CFAP61: variants seen among roughly 807,000 people sequenced by gnomAD.
CFAP61 encodes the protein cilia and flagella associated protein 61.
Under a neutral mutation model 135.6 loss-of-function variants are expected in CFAP61, and 107 were observed. The observed-to-expected ratio is 0.79, with a 90% CI of 0.67 to 0.93. The LOEUF (loss-of-function observed/expected upper bound fraction) is 0.93, where lower values mean the gene tolerates loss of function less well. Among genes scored for constraint, CFAP61 ranks in the 40% least tolerant of loss-of-function variants. The probability of loss-of-function intolerance (pLI) is 0.00; values close to 1 mark genes in which losing one functional copy is unlikely to be tolerated. For missense variants in CFAP61, 1,507 were observed against 1,556.2 expected (o/e 0.97, Z 0.53); for synonymous variants, 575 against 578.5 (o/e 0.99, Z 0.09).
At chr20:20,181,210 TATAC>T (rs1019902777) in intron 13 of CFAP61, among the ~76,000 whole-genome samples, 1 of 134,890 alleles carries the variant, frequency 7.4e-6, no homozygotes, top group East Asian at 2.0e-4. Flanking sequence ...TATATGTATA[TATAC>T]ATATGTGTAT....
chr20:20,342,502 A>G (rs955057079), intron 26 of CFAP61, among the ~76,000 whole-genome samples: 1 of 152,238 alleles, frequency 6.6e-6, no homozygotes, highest in Admixed American at 6.5e-5. Context: ...ATTTCTTTCA[A>G]TATGAGAATC....
intron 26 of CFAP61, among the ~76,000 whole-genome samples, chr20:20,354,548 G>A (rs758957725): frequency 6.6e-6 from 1 of 151,156 alleles, no homozygotes; most frequent in Non-Finnish European, 1.5e-5. Flanking sequence ...AATACTGCAC[G>A]ATCTCACTTA....
chr20:20,052,876 G>A, intron 1 of CFAP61: 1 of 694,276 alleles, frequency 1.4e-6, no homozygotes, highest in Non-Finnish European at 2.4e-6. Flanking sequence ...TAGTCTCTGG[G>A]TCCACGCCCC....
chr20:20,106,048 A>ATT (rs2146656556), intron 8 of CFAP61, among the ~76,000 whole-genome samples: 1 of 105,470 alleles, frequency 9.5e-6, no homozygotes, highest in South Asian at 2.8e-4. Context: ...ATATATATAT[A>ATT]TAAAATTTGA....
At chr20:20,234,084 C>T (rs571419233) in intron 18 of CFAP61, among the ~76,000 whole-genome samples, 19 of 152,270 alleles carry the variant, frequency 1.2e-4, no homozygotes, top group Non-Finnish European at 2.2e-4. Flanking sequence ...TGCATTCTTT[C>T]AAACCAAGCT....
At chr20:20,287,522 G>T (rs1285971437) in intron 22 of CFAP61, among the ~76,000 whole-genome samples, 1 of 152,138 alleles carries the variant, frequency 6.6e-6, no homozygotes, top group Non-Finnish European at 1.5e-5. Flanking sequence ...ATGACTAGTG[G>T]CTACCACAGA....
chr20:20,196,509 C>T, intron 15 of CFAP61, 61 bp from the exon 16 acceptor site: 1 of 1,270,290 alleles, frequency 7.9e-7, no homozygotes. Context: ...ATATTTATCA[C>T]AAAATGCATG....
chr20:20,283,800 C>A (rs1034364738), intron 22 of CFAP61, among the ~76,000 whole-genome samples: 1 of 152,250 alleles, frequency 6.6e-6, no homozygotes, highest in African/African-American at 2.4e-5. Flanking sequence ...CTCATGGCCC[C>A]TTCCATCTTA....
At chr20:20,248,628 T>C (rs1440732900) in intron 19 of CFAP61, among the ~76,000 whole-genome samples, 1 of 152,190 alleles carries the variant, frequency 6.6e-6, no homozygotes, top group Non-Finnish European at 1.5e-5. Context: ...TAATTGAAAG[T>C]TAATTGTGAT....
rs999182917 is a variant in CFAP61, at chr20:20,215,788, G to A, written c.1933-12461G>A. ...ACATAGAGTGATTCTTCCTCAAGAGGAAATTATTATAGAAGACCTATTTAT... is the reference window on the plus strand; with the variant it reads ...ACATAGAGTGATTCTTCCTCAAGAGAAAATTATTATAGAAGACCTATTTAT... On this transcript the variant is annotated intron_variant, in intron 17 of 26. Transcript: ENST00000245957. 6.6e-5 allele frequency among the ~76,000 whole-genome samples: 10 copies of A among 151,724 alleles called. No individual in the cohort carries two copies. In the South Asian group the frequency reaches 1.0e-3, roughly 16 times the overall value.
intron 17 of CFAP61, among the ~76,000 whole-genome samples, chr20:20,209,535 A>G (rs1462562674): frequency 6.6e-6 from 1 of 152,182 alleles, no homozygotes; most frequent in African/African-American, 2.4e-5. Context: ...TTTATGTCAG[A>G]TACAGATTTT....
chr20:20,353,393 T>C (rs570555289), intron 26 of CFAP61, among the ~76,000 whole-genome samples: 8 of 152,326 alleles, frequency 5.3e-5, no homozygotes, highest in Admixed American at 4.6e-4. Context: ...GTCCTGTTCA[T>C]GGGTTCCTGC....
At chr20:20,140,344 TC>T (rs1447462027) in intron 8 of CFAP61, among the ~76,000 whole-genome samples, 2 of 49,874 alleles carry the variant, frequency 4.0e-5, no homozygotes, top group Non-Finnish European at 8.2e-5. Context: ...CCCTCCCACC[TC>T]CCCCCACCCC....
intron 25 of CFAP61, among the ~76,000 whole-genome samples, chr20:20,328,853 G>T (rs372415631): frequency 1.3e-5 from 2 of 152,146 alleles, no homozygotes; most frequent in East Asian, 3.9e-4. Context: ...TACCCGATAG[G>T]ATGGCTGCTC....
At chr20:20,146,246 C>A (rs1600950678) in intron 9 of CFAP61, among the ~76,000 whole-genome samples, 4 of 151,980 alleles carry the variant, frequency 2.6e-5, no homozygotes, top group Admixed American at 2.6e-4. Flanking sequence ...TGGGTAACAC[C>A]CTACAACTGG....
At chr20:20,171,149 C>A (rs1385529385) in intron 13 of CFAP61, among the ~76,000 whole-genome samples, 1 of 152,150 alleles carries the variant, frequency 6.6e-6, no homozygotes, top group Non-Finnish European at 1.5e-5. Context: ...ATGGTGTGGT[C>A]AGTGTAATCC....
chr20:20,065,576 G>A (rs1202855824), intron 2 of CFAP61, among the ~76,000 whole-genome samples: 1 of 145,152 alleles, frequency 6.9e-6, no homozygotes, highest in Non-Finnish European at 1.5e-5. Context: ...CCCTGGCCAA[G>A]TCAACTGCAA....
At chr20:20,265,050 A>G (rs1458112079) in intron 21 of CFAP61, among the ~76,000 whole-genome samples, 2 of 152,236 alleles carry the variant, frequency 1.3e-5, no homozygotes, top group Non-Finnish European at 2.9e-5. Flanking sequence ...CATGAGCTGT[A>G]GTTTGTAGTA....
intron 25 of CFAP61, among the ~76,000 whole-genome samples, chr20:20,336,514 A>G (rs1213281689): frequency 2.6e-5 from 4 of 151,998 alleles, no homozygotes; most frequent in Non-Finnish European, 5.9e-5. Flanking sequence ...AGTCCCAGCT[A>G]TTTGAGAGGC....
Sources: gnomAD v4.1 joint callset for allele counts (sites outside exome capture counted in the v4.1 genomes callset) on GRCh38, gnomAD v4.1.1 for gene constraint, MANE v1.5 for transcripts, NCBI Gene and HGNC (gene_info 2026-07-23, HGNC 2026-07-21) for gene names.